RABIF: variants seen among roughly 807,000 people sequenced by gnomAD.
RABIF encodes the protein guanine nucleotide exchange factor MSS4.
Under a neutral mutation model 12.3 loss-of-function variants are expected in RABIF, and 13 were observed. The ratio of observed to expected loss-of-function variants is 1.06; its 90% confidence interval spans 0.69 to 1.68. The LOEUF (loss-of-function observed/expected upper bound fraction) is 1.68. Among genes scored for constraint, RABIF ranks in the 40% most tolerant of loss-of-function variants. The pLI is 0.00. For synonymous variants in RABIF, 70 were observed against 63.3 expected, an observed-to-expected ratio of 1.11 and a Z score of -0.50; for missense variants, 153 against 158.0, an observed-to-expected ratio of 0.97 and a Z score of 0.17.
intron 1 of RABIF, 57 bp from the exon 2 acceptor site, chr1:202,881,280 C>G: frequency 6.4e-7 from 1 of 1,557,010 alleles, no homozygotes; most frequent in Non-Finnish European, 8.7e-7. Context: ...GTTCCATCAA[C>G]ACCCCCGTTC....
intron 1 of RABIF, among the ~76,000 whole-genome samples, chr1:202,887,353 T>C (rs1479030157): frequency 6.6e-6 from 1 of 151,908 alleles, no homozygotes; most frequent in Non-Finnish European, 1.5e-5. Context: ...TTTTTTTTTT[T>C]GCAATTTTTT....
chr1:202,886,511 GGGA>G (rs1325636030), intron 1 of RABIF, among the ~76,000 whole-genome samples: 2 of 151,888 alleles, frequency 1.3e-5, no homozygotes, highest in Non-Finnish European at 2.9e-5. Context: ...ACTTGAACCC[GGGA>G]GGAGGAGGTT....
chr1:202,888,171 ATG>A (rs1344598237), intron 1 of RABIF, among the ~76,000 whole-genome samples: 5 of 152,204 alleles, frequency 3.3e-5, no homozygotes, highest in Admixed American at 1.3e-4. Context: ...GAATGATAGG[ATG>A]TGTCTATGGT....
At chr1:202,888,794 C>T (rs922786056) in intron 1 of RABIF, among the ~76,000 whole-genome samples, 179 bp downstream of exon 1, 1 of 152,206 alleles carries the variant, frequency 6.6e-6, no homozygotes, top group Non-Finnish European at 1.5e-5. Flanking sequence ...GGTTCCCTCC[C>T]TAGCCTTCAG....
intron 1 of RABIF, 63 bp downstream of exon 1, chr1:202,888,908 TTC>T (rs1659607268): frequency 4.1e-6 from 6 of 1,456,120 alleles, no homozygotes; most frequent in Non-Finnish European, 5.5e-6. Flanking sequence ...GGGGTTCAGA[TTC>T]TGACTGCGGC....
Position 202,879,615 on chromosome 1 carries a change from A to C in RABIF, c.*1363T>G, listed in dbSNP as rs1466750291. The C allele has an allele frequency of 1.3e-5, 2 of 152,228 alleles. No homozygotes were observed. The highest frequency in any genetic ancestry group is 2.9e-5 in the Non-Finnish European group (2 of 68,034). 9.4% of individuals were successfully genotyped at this position (152,228 alleles called of 1,614,324 possible). On this transcript the variant is annotated 3_prime_UTR_variant, in exon 2 of 2. Coordinates refer to ENST00000367262, the MANE Select transcript of RABIF (RefSeq NM_002871.5). ...GCTCATTCAGGCTAATTGGAGAAGG[A>C]AGCCATCTTTCCAGGGGAGTAGGTT...
rs1229652325 is a variant in RABIF, at chr1:202,880,059, T to C, written c.*919A>G. On this transcript the variant is annotated 3_prime_UTR_variant, in exon 2 of 2. Coordinates refer to ENST00000367262, the MANE Select transcript of RABIF (RefSeq NM_002871.5). Reference sequence around the variant, plus strand: ...AAAACTCCATGAGGACCATGCCCAGTAGGTTCAGTAAATGATACTATCCAT... The same window carrying C: ...AAAACTCCATGAGGACCATGCCCAGCAGGTTCAGTAAATGATACTATCCAT... 1.3e-5 allele frequency: 2 copies of C among 152,168 alleles called. No individual in the cohort carries two copies. The highest frequency in any genetic ancestry group is 4.8e-5 in the African/African-American group (2 of 41,430). The allele number at this position is 152,168 out of a possible 1,614,324, so 9.4% of individuals were successfully genotyped here. A position where few individuals can be genotyped will look rare whatever the true frequency, so the allele number is the denominator to read the frequency against.
rs753105265 is a variant in RABIF at position 202,888,997 on chromosome 1, C to T, written c.102G>A (p.Gly34=). 3.8e-5 allele frequency: 60 copies of T among 1,587,514 alleles called. No individual in the cohort carries two copies. Among genetic ancestry groups the T allele is most frequent in the Non-Finnish European group, 5.0e-5 (58 of 1,167,678 alleles). Residue 34 remains glycine, a synonymous_variant, in exon 1 of 2, where the codon GGG becomes GGA. Coordinates refer to ENST00000367262, the MANE Select transcript of RABIF (RefSeq NM_002871.5). ...QRCGSRVLQP[G]TALFSRRQLF... is the part of the protein sequence containing the mutation. ...CCTGTCGGCGAGAGAAGAGAGCGGTCCCTGGCTGCAGCACCCGGGAGCCGC... is the reference window on the plus strand; with the variant it reads ...CCTGTCGGCGAGAGAAGAGAGCGGTTCCTGGCTGCAGCACCCGGGAGCCGC...
At chr1:202,882,398 C>CA (rs1052639820) in intron 1 of RABIF, among the ~76,000 whole-genome samples, 8 of 151,804 alleles carry the variant, frequency 5.3e-5, no homozygotes, top group Non-Finnish European at 7.4e-5. Context: ...ACAACAACAA[C>CA]AAAAAAAATT....
At position 202,887,476 on chromosome 1, in the gene RABIF, G is replaced by T. The variant is rs137988217; in HGVS notation, c.126+1497C>A. 4.7e-4 allele frequency among the ~76,000 whole-genome samples: 70 copies of T among 149,836 alleles called. No homozygotes were observed. In the East Asian group the frequency reaches 0.014, roughly 29 times the overall value. On this transcript the variant is annotated intron_variant, in intron 1 of 1. Transcript: ENST00000367262. The stretch of plus-strand genomic sequence containing the variant: ...CCCCTGTTTTACACAATAGCAACCT[G>T]CATCTCATGGAGGTTAAATAACTTT...
At chr1:202,885,105 AAAAAAAAAG>A (rs1659541974) in intron 1 of RABIF, among the ~76,000 whole-genome samples, 1 of 33,164 alleles carries the variant, frequency 3.0e-5, no homozygotes, top group African/African-American at 7.4e-5. Flanking sequence ...AAAAAAAAAA[AAAAAAAAAG>A]AAAAGAAAGA....
intron 1 of RABIF, among the ~76,000 whole-genome samples, chr1:202,885,706 A>G (rs75995055): frequency 1.6e-3 from 241 of 152,370 alleles, no homozygotes; most frequent in Middle Eastern, 3.4e-3. Flanking sequence ...GAAAGGACTA[A>G]TAAATAACTG....
rs966111113 is a variant in RABIF, at chr1:202,880,895, G to T, written c.*83C>A. On this transcript the variant is annotated 3_prime_UTR_variant, in exon 2 of 2. Transcript: ENST00000367262. Reference sequence around the variant, plus strand: ...TATTAGCACAGACAAGAAGGCAGCGGAACAGTTATACCACATTAAAGGCCA... The same window carrying T: ...TATTAGCACAGACAAGAAGGCAGCGTAACAGTTATACCACATTAAAGGCCA... 2 of 1,554,560 alleles carry T rather than the reference G, an allele frequency of 1.3e-6. No homozygotes were observed. The highest frequency in any genetic ancestry group is 4.5e-5 in the East Asian group (2 of 44,332).
intron 1 of RABIF, among the ~76,000 whole-genome samples, chr1:202,885,289 G>A (rs1037656531): frequency 6.6e-6 from 1 of 152,102 alleles, no homozygotes; most frequent in African/African-American, 2.4e-5. Context: ...AAAGAACTCT[G>A]GAATATAAGA....
chr1:202,882,385 A>C (rs1659503532), intron 1 of RABIF, among the ~76,000 whole-genome samples: 1 of 152,074 alleles, frequency 6.6e-6, no homozygotes, highest in South Asian at 2.1e-4. Flanking sequence ...CTCTGTCTCA[A>C]AAACAACAAC....
chr1:202,888,366 T>G (rs1659595616), intron 1 of RABIF, among the ~76,000 whole-genome samples: 1 of 152,212 alleles, frequency 6.6e-6, no homozygotes, highest in South Asian at 2.1e-4. Context: ...GAAATATGAT[T>G]CATCTGGAAA....
rs1489731522 is a variant in RABIF, at chr1:202,880,354, C to G, written c.*624G>C. The G allele has an allele frequency of 6.6e-6, 1 of 152,576 alleles. No homozygotes were observed. The highest frequency in any genetic ancestry group is 1.5e-5 in the Non-Finnish European group (1 of 68,046). The allele number at this position is 152,576 out of a possible 1,614,324, so 9.5% of individuals were successfully genotyped here. A position where few individuals can be genotyped will look rare whatever the true frequency, so the allele number is the denominator to read the frequency against. Reference sequence around the variant, plus strand: ...GATTTCAAGGGAAGAGGGACCACACCCATCTTCACAATAAAATGTCATTCT... The same window carrying G: ...GATTTCAAGGGAAGAGGGACCACACGCATCTTCACAATAAAATGTCATTCT... On this transcript the variant is annotated 3_prime_UTR_variant, in exon 2 of 2. Transcript: ENST00000367262.
rs1659478966 is a variant in RABIF at position 202,880,928 on chromosome 1, T to G, written c.*50A>C. 1 of 1,599,148 alleles carries G rather than the reference T, an allele frequency of 6.3e-7. No homozygotes were observed. Among genetic ancestry groups the G allele is most frequent in the East Asian group, 2.2e-5 (1 of 44,678 alleles). On this transcript the variant is annotated 3_prime_UTR_variant, in exon 2 of 2. Coordinates refer to ENST00000367262, the MANE Select transcript of RABIF (RefSeq NM_002871.5). ...ATACCACATTAAAGGCCAGTTCTTG[T>G]GGGGAGTAGGTTTATCTTTGGAGAT... is the stretch of plus-strand genomic sequence containing the variant.
At position 202,880,791 on chromosome 1, in the gene RABIF, G is replaced by A; in HGVS notation, c.*187C>T. ...AATGTGATACAAAGTGAACTAAGCA[G>A]GAGGCATGTACTTGAGGCTTTAGGA... On this transcript the variant is annotated 3_prime_UTR_variant, in exon 2 of 2. Coordinates refer to ENST00000367262, the MANE Select transcript of RABIF (RefSeq NM_002871.5). 4.3e-6 allele frequency: 6 copies of A among 1,384,412 alleles called. No homozygotes were observed. Among genetic ancestry groups the A allele is most frequent in the Non-Finnish European group, 4.7e-6 (5 of 1,068,392 alleles). The allele number at this position is 1,384,412 out of a possible 1,614,324, so 85.8% of individuals were successfully genotyped here.
Sources: gnomAD v4.1 joint callset for allele counts (sites outside exome capture counted in the v4.1 genomes callset) on GRCh38, gnomAD v4.1.1 for gene constraint, MANE v1.5 for transcripts, NCBI Gene and HGNC (gene_info 2026-07-23, HGNC 2026-07-21) for gene names.